RGL1: variants seen among roughly 807,000 people sequenced by gnomAD.
RGL1 encodes ral guanine nucleotide dissociation stimulator-like 1.
RGL1 carries 24 observed loss-of-function variants against 95.2 expected under a neutral mutation model. The ratio of observed to expected loss-of-function variants is 0.25; its 90% CI spans 0.18 to 0.35. The LOEUF (loss-of-function observed/expected upper bound fraction) is 0.35. Among genes scored for constraint, RGL1 ranks in the 10% least tolerant of loss-of-function variants. RGL1 has a pLI of 1.00. For synonymous variants in RGL1, 329 were observed against 344.9 expected, an observed-to-expected ratio of 0.95 and a Z score of 0.51; for missense variants, 715 against 936.3, an observed-to-expected ratio of 0.76 and a Z score of 3.08.
At position 183,922,294 on chromosome 1, in the gene RGL1, G is replaced by A. The variant is rs146832723; in HGVS notation, c.2077G>A (p.Ala693Thr). ...MLKHNLDSDP[A>T]EEYELVQVIS... Reference sequence around the variant, plus strand: ...GAAGCACAATCTGGACTCAGACCCCGCCGAGGAGTACGAGCTGGTGCAGGT... The same window carrying A: ...GAAGCACAATCTGGACTCAGACCCCACCGAGGAGTACGAGCTGGTGCAGGT... The change falls in exon 17 of 18, where the codon GCC (alanine) becomes ACC (threonine). Residue 693 changes from alanine (A) to threonine (T), a missense_variant. This residue lies in a region of RGL1 where 330 missense variants were observed against 429.6 expected (regional missense o/e 0.77). Coordinates refer to ENST00000360851, the MANE Select transcript of RGL1 (RefSeq NM_001297671.3). The A allele has an allele frequency of 1.2e-5, 20 of 1,613,988 alleles. No individual in the cohort carries two copies. Among genetic ancestry groups the A allele is most frequent in the Admixed American group, 3.3e-5 (2 of 59,992 alleles).
chr1:183,669,525 G>A lies in RGL1; in HGVS notation c.-33+33024G>A, dbSNP rs565611430. Among the ~76,000 whole-genome samples, 15 of 152,242 alleles carry A rather than the reference G, an allele frequency of 9.9e-5. No individual in the cohort carries two copies. The South Asian group carries it at 3.1e-3, about 32-fold the overall frequency. On this transcript the variant is annotated intron_variant, in intron 1 of 18. Coordinates refer to the RGL1 transcript ENST00000304685. The stretch of plus-strand genomic sequence containing the variant: ...GATTCTGTCCAGATATGCTTGTTCA[G>A]TCTCTTCAGATCTTTAAACTGTGTT...
At chr1:183,896,669 A>G (rs969269414) in intron 9 of RGL1, among the ~76,000 whole-genome samples, 3 of 152,212 alleles carry the variant, frequency 2.0e-5, no homozygotes, top group Admixed American at 1.3e-4. Flanking sequence ...TATACTACTG[A>G]ATTGTGCAAT....
chr1:183,905,562 A>G (rs561970319), intron 13 of RGL1, among the ~76,000 whole-genome samples: 1 of 152,350 alleles, frequency 6.6e-6, no homozygotes, highest in East Asian at 1.9e-4. Flanking sequence ...AGACCGAGAG[A>G]GAACACAAGC....
intron 1 of RGL1, among the ~76,000 whole-genome samples, chr1:183,688,529 A>G (rs182859042): frequency 2.6e-3 from 396 of 152,300 alleles, no homozygotes; most frequent in Middle Eastern, 6.8e-3. Context: ...GGTCTCTGAA[A>G]AAGTATTAAG....
At chr1:183,699,221 T>C (rs929002406) in intron 1 of RGL1, among the ~76,000 whole-genome samples, 1 of 152,256 alleles carries the variant, frequency 6.6e-6, no homozygotes, top group Non-Finnish European at 1.5e-5. Context: ...CATGTGTTGA[T>C]GTAACTTACC....
intron 15 of RGL1, among the ~76,000 whole-genome samples, chr1:183,913,944 A>G (rs1431068284): frequency 1.3e-5 from 2 of 152,230 alleles, no homozygotes; most frequent in Non-Finnish European, 2.9e-5. Flanking sequence ...GTGGACACCT[A>G]CGGACTGGCC....
intron 1 of RGL1, among the ~76,000 whole-genome samples, chr1:183,694,443 A>G (rs903800954): frequency 6.6e-6 from 1 of 152,200 alleles, no homozygotes; most frequent in Non-Finnish European, 1.5e-5. Flanking sequence ...TCCTTCCTCT[A>G]TGTTATTCTG....
At chr1:183,842,912 A>T (rs1664162975) in intron 2 of RGL1, among the ~76,000 whole-genome samples, 1 of 152,258 alleles carries the variant, frequency 6.6e-6, no homozygotes, top group Non-Finnish European at 1.5e-5. Flanking sequence ...TGAAACTTTT[A>T]ACATTTTAGC....
intron 2 of RGL1, among the ~76,000 whole-genome samples, chr1:183,831,997 C>A (rs929989432): frequency 6.6e-6 from 1 of 152,148 alleles, no homozygotes; most frequent in African/African-American, 2.4e-5. Context: ...ATAGGATAGG[C>A]ATGTCAAGCT....
intron 13 of RGL1, among the ~76,000 whole-genome samples, chr1:183,906,589 G>A (rs1414873282): frequency 6.6e-6 from 1 of 152,148 alleles, no homozygotes; most frequent in Admixed American, 6.5e-5. Flanking sequence ...TAAGTCATTT[G>A]TGCATGTGCA....
intron 2 of RGL1, among the ~76,000 whole-genome samples, chr1:183,753,334 C>T (rs1223277784): frequency 1.3e-5 from 2 of 152,074 alleles, no homozygotes; most frequent in Non-Finnish European, 2.9e-5. Context: ...ATCTTCTAGT[C>T]ATTTTTTCAA....
intron 1 of RGL1, among the ~76,000 whole-genome samples, chr1:183,717,392 T>A (rs1655688232): frequency 6.6e-6 from 1 of 152,174 alleles, no homozygotes; most frequent in African/African-American, 2.4e-5. Flanking sequence ...TCTGGCACAT[T>A]AAAGAGTATA....
intron 1 of RGL1, among the ~76,000 whole-genome samples, chr1:183,673,635 C>T (rs570584683): frequency 3.9e-5 from 6 of 152,326 alleles, no homozygotes; most frequent in South Asian, 4.1e-4. Flanking sequence ...CTCTTACTTC[C>T]GTGAGAGCTC....
chr1:183,692,949 T>TA (rs201819518), intron 1 of RGL1, among the ~76,000 whole-genome samples: 2 of 149,848 alleles, frequency 1.3e-5, no homozygotes, highest in Admixed American at 6.6e-5. Context: ...AGCAGGGAGA[T>TA]AAAAAAAATT....
intron 10 of RGL1, 105 bp from the exon 11 acceptor site, chr1:183,900,045 C>G: frequency 1.3e-6 from 1 of 772,518 alleles, no homozygotes; most frequent in South Asian, 1.7e-5. Context: ...ACCACTGGCC[C>G]GCAGTTAGGC....
At chr1:183,754,888 A>G (rs1177814521) in intron 2 of RGL1, 1 of 152,228 alleles carries the variant, frequency 6.6e-6, no homozygotes, top group Non-Finnish European at 1.5e-5. Context: ...TTCAATGCCT[A>G]TCTGTGGGTT....
chr1:183,827,634 C>G (rs1662960250), intron 2 of RGL1, among the ~76,000 whole-genome samples: 1 of 152,242 alleles, frequency 6.6e-6, no homozygotes, highest in Non-Finnish European at 1.5e-5. Context: ...CTCTTCAGTT[C>G]AAGAGGCGTA....
At chr1:183,797,936 G>T (rs1372021345) in intron 2 of RGL1, among the ~76,000 whole-genome samples, 2 of 152,182 alleles carry the variant, frequency 1.3e-5, no homozygotes, top group Non-Finnish European at 1.5e-5. Flanking sequence ...AGAAATACCA[G>T]ATTTATTTGC....
intron 17 of RGL1, 108 bp downstream of exon 17, chr1:183,922,444 TG>T (rs1467168847): frequency 2.5e-6 from 2 of 792,520 alleles, no homozygotes; most frequent in East Asian, 2.7e-5. Context: ...ATTGTTTTAT[TG>T]GGACCTAGTG....
Sources: allele counts gnomAD v4.1 joint callset (sites outside exome capture counted in the v4.1 genomes callset), GRCh38; gene constraint gnomAD v4.1.1; regional missense constraint gnomAD v4.1.1; transcripts MANE v1.5; gene names NCBI Gene and HGNC (gene_info 2026-07-23, HGNC 2026-07-21).